Variants in GRIK4 observed in about 807,000 individuals in gnomAD.
GRIK4 encodes glutamate ionotropic receptor kainate type subunit 4, also known as glutamate receptor ionotropic, kainate 4.
GRIK4 carries 40 observed loss-of-function variants against 104.9 expected under a neutral mutation model. The observed-to-expected ratio is 0.38, with a 90% CI of 0.30 to 0.50. The LOEUF is 0.50. GRIK4 is among the 20% of genes least tolerant of loss of function. The probability of loss-of-function intolerance (pLI) is 0.93; values close to 1 mark genes in which losing one functional copy is unlikely to be tolerated. For missense variants in GRIK4, 1,047 were observed against 1,308.1 expected, an observed-to-expected ratio of 0.80 and a Z score of 3.08; for synonymous variants, 485 against 524.9, an observed-to-expected ratio of 0.92 and a Z score of 1.04.
chr11:120,977,052 C>A (rs1439039418), intron 19 of GRIK4, among the ~76,000 whole-genome samples: 3 of 152,134 alleles, frequency 2.0e-5, no homozygotes, highest in Non-Finnish European at 4.4e-5. Context: ...GTTCAAGAGA[C>A]AAAGAACATT....
Position 120,903,153 on chromosome 11 carries a change from G to C in GRIK4, c.1273-2137G>C, listed in dbSNP as rs1021464705. 3.3e-5 allele frequency among the ~76,000 whole-genome samples: 5 copies of C among 151,982 alleles called. No homozygotes were observed. Among genetic ancestry groups the C allele is most frequent in the Admixed American group, 3.3e-4 (5 of 15,266 alleles). On this transcript the variant is annotated intron_variant, in intron 12 of 20. Coordinates refer to ENST00000527524, the MANE Select transcript of GRIK4 (RefSeq NM_014619.5). This position sits in a 1 kb window ranked among gnomAD's most constrained non-coding sequence, Gnocchi z 4.4. Reference sequence around the variant, plus strand: ...GGGCTCCTAGAATCGTGATGTGCAGGTTTCTCCATGCACACCTGTACCCAA... The same window carrying C: ...GGGCTCCTAGAATCGTGATGTGCAGCTTTCTCCATGCACACCTGTACCCAA...
intron 1 of GRIK4, among the ~76,000 whole-genome samples, chr11:120,639,276 C>T (rs1949440146): frequency 6.6e-6 from 1 of 152,182 alleles, no homozygotes; most frequent in African/African-American, 2.4e-5. Context: ...CACAAGCTTG[C>T]CCTAAGATTC....
intron 13 of GRIK4, among the ~76,000 whole-genome samples, chr11:120,938,167 A>C (rs1326420559): frequency 6.6e-6 from 1 of 152,184 alleles, no homozygotes; most frequent in African/African-American, 2.4e-5. Context: ...ACCTGTGCTC[A>C]AAAGCTGAAT....
At chr11:120,581,227 C>G (rs774535891) in intron 1 of GRIK4, among the ~76,000 whole-genome samples, 4 of 152,142 alleles carry the variant, frequency 2.6e-5, no homozygotes, top group African/African-American at 9.7e-5. Context: ...TTTTCTCTCT[C>G]TCTGTCTTCT....
chr11:120,639,135 A>G lies in GRIK4; in HGVS notation c.-158-14550A>G, dbSNP rs191532234. Among the ~76,000 whole-genome samples the G allele has an allele frequency of 5.9e-5, 9 of 152,258 alleles. No individual in the cohort carries two copies. In the East Asian group the frequency reaches 1.7e-3, roughly 30 times the overall value. On this transcript the variant is annotated intron_variant, in intron 1 of 20. Coordinates refer to ENST00000527524, the MANE Select transcript of GRIK4 (RefSeq NM_014619.5). Reference sequence around the variant, plus strand: ...GCCTGAACCATGAAGCGGAGGTTGCAGTGAGCTGAGATCACGCCATTGCAC... The same window carrying G: ...GCCTGAACCATGAAGCGGAGGTTGCGGTGAGCTGAGATCACGCCATTGCAC...
intron 7 of GRIK4, 128 bp downstream of exon 7, chr11:120,832,158 T>A (rs1313027220): frequency 3.5e-6 from 2 of 578,364 alleles, no homozygotes; most frequent in Non-Finnish European, 3.0e-6. Flanking sequence ...AACCTCTCTC[T>A]GTGCTTCTGT....
chr11:120,628,669 A>T (rs1949290725), intron 1 of GRIK4, among the ~76,000 whole-genome samples: 2 of 152,154 alleles, frequency 1.3e-5, no homozygotes, highest in South Asian at 4.1e-4. Context: ...GAGAAGGGAC[A>T]TTAGCTCCTA....
At chr11:120,741,087 G>A (rs1214667477) in intron 3 of GRIK4, among the ~76,000 whole-genome samples, 3 of 152,012 alleles carry the variant, frequency 2.0e-5, no homozygotes, top group East Asian at 1.9e-4. Context: ...TCTCTCGTTC[G>A]TGTAATTGCT....
intron 1 of GRIK4, among the ~76,000 whole-genome samples, chr11:120,567,712 C>T (rs1426063877): frequency 6.6e-6 from 1 of 152,204 alleles, no homozygotes; most frequent in Non-Finnish European, 1.5e-5. Flanking sequence ...GGGAAGCCCA[C>T]ATTCCCTTCT....
chr11:120,584,935 G>A (rs1445533058), intron 1 of GRIK4, among the ~76,000 whole-genome samples: 1 of 152,180 alleles, frequency 6.6e-6, no homozygotes, highest in African/African-American at 2.4e-5. Context: ...GCTTTTTGAT[G>A]TGCTGCTGGA....
intron 1 of GRIK4, among the ~76,000 whole-genome samples, chr11:120,519,051 G>T (rs1389799924): frequency 6.6e-6 from 1 of 152,222 alleles, no homozygotes; most frequent in African/African-American, 2.4e-5. Flanking sequence ...GCAGGCGGAT[G>T]ATTTTGATTC....
At chr11:120,697,007 C>G (rs1010149708) in intron 3 of GRIK4, among the ~76,000 whole-genome samples, 1 of 152,178 alleles carries the variant, frequency 6.6e-6, no homozygotes, top group African/African-American at 2.4e-5. Context: ...CACCCCATGA[C>G]GTTTGTTATG....
chr11:120,818,361 T>C (rs998140616), intron 5 of GRIK4, among the ~76,000 whole-genome samples: 8 of 151,780 alleles, frequency 5.3e-5, no homozygotes, highest in Admixed American at 1.3e-4. Flanking sequence ...CTGTTTGTTA[T>C]TCACTTTAGA....
At position 120,728,894 on chromosome 11, in the gene GRIK4, C is replaced by A. The variant is rs554816072; in HGVS notation, c.82+68494C>A. On this transcript the variant is annotated intron_variant, in intron 3 of 20. Coordinates refer to ENST00000527524, the MANE Select transcript of GRIK4 (RefSeq NM_014619.5). ...TTCTATTGCACCAATTAACTATCCC[C>A]ACTTTCTCCCCACTTCCCCACTACC... Among the ~76,000 whole-genome samples the A allele has an allele frequency of 2.6e-5, 4 of 152,222 alleles. No homozygotes were observed. The East Asian group carries it at 7.7e-4, about 29-fold the overall frequency.
intron 9 of GRIK4, among the ~76,000 whole-genome samples, chr11:120,863,757 A>C (rs1030130163): frequency 6.6e-6 from 1 of 152,226 alleles, no homozygotes; most frequent in Non-Finnish European, 1.5e-5. Flanking sequence ...TACTTGGCCA[A>C]CACGGTGACC....
In GRIK4 at chr11:120,527,283, C is replaced by T. The variant is rs570930632; in HGVS notation, c.-159+15396C>T. Among the ~76,000 whole-genome samples the T allele has an allele frequency of 3.2e-3, 483 of 152,336 alleles. 2 individuals are homozygous for T. Among genetic ancestry groups the T allele is most frequent in the African/African-American group, 0.011 (462 of 41,576 alleles). ...TGGAATGTGGAGAGCAGCCTCAGCT[C>T]CCTGCGGCCCCAGGGTGGAGATGCT... is the stretch of plus-strand genomic sequence containing the variant. On this transcript the variant is annotated intron_variant, in intron 1 of 20. Coordinates refer to ENST00000527524, the MANE Select transcript of GRIK4 (RefSeq NM_014619.5).
At chr11:120,735,959 C>G (rs997110177) in intron 3 of GRIK4, among the ~76,000 whole-genome samples, 2 of 152,156 alleles carry the variant, frequency 1.3e-5, no homozygotes, top group Non-Finnish European at 2.9e-5. Context: ...CAGGGCAGGT[C>G]CAGAAATTCT....
intron 3 of GRIK4, among the ~76,000 whole-genome samples, chr11:120,746,950 C>T (rs184183212): frequency 1.3e-3 from 191 of 152,274 alleles, no homozygotes; most frequent in Non-Finnish European, 2.4e-3. Context: ...GTAAGCTGTG[C>T]GACATTGTGC....
intron 3 of GRIK4, among the ~76,000 whole-genome samples, chr11:120,764,375 G>A (rs1338073754): frequency 6.6e-6 from 1 of 152,112 alleles, no homozygotes; most frequent in African/African-American, 2.4e-5. Context: ...ACAGCACACC[G>A]ATGGGTCTTG....
Sources: gnomAD v4.1 joint callset for allele counts (sites outside exome capture counted in the v4.1 genomes callset) on GRCh38, gnomAD v4.1.1 for gene constraint, Gnocchi (gnomAD v3.1) non-coding constraint, MANE v1.5 for transcripts, NCBI Gene and HGNC (gene_info 2026-07-23, HGNC 2026-07-21) for gene names.